ZNF407: variants seen among roughly 807,000 people sequenced by gnomAD.
ZNF407 encodes the protein zinc finger protein 407.
In ZNF407, 17 loss-of-function variants were observed where a neutral mutation model predicts 131.2. The observed-to-expected ratio is 0.13, with a 90% CI of 0.09 to 0.19. ZNF407 has a LOEUF of 0.19. ZNF407 is among the 10% of genes least tolerant of loss of function. The pLI, the probability that ZNF407 is intolerant of heterozygous loss-of-function variation, is 1.00. For missense variants in ZNF407, 2,681 were observed against 2,830.6 expected, an observed-to-expected ratio of 0.95 and a Z score of 1.20; for synonymous variants, 1,156 against 1,062.0, an observed-to-expected ratio of 1.09 and a Z score of -1.72.
At chr18:74,958,747 C>T (rs565403533) in intron 8 of ZNF407, among the ~76,000 whole-genome samples, 4 of 152,102 alleles carry the variant, frequency 2.6e-5, no homozygotes, top group Admixed American at 2.6e-4. Flanking sequence ...TCATAGCTAG[C>T]AAAAAGTGTT....
chr18:74,880,705 GGGAATT>G (rs34039163), intron 5 of ZNF407, among the ~76,000 whole-genome samples: 4,306 of 152,240 alleles, frequency 0.028, 192 homozygotes, highest in African/African-American at 0.095. Context: ...CCAGATGTAT[GGGAATT>G]GTAAAATATC....
At chr18:74,990,494 T>C (rs1356527135) in intron 8 of ZNF407, among the ~76,000 whole-genome samples, 1 of 152,250 alleles carries the variant, frequency 6.6e-6, no homozygotes, top group Admixed American at 6.5e-5. Flanking sequence ...TTTGAAACTG[T>C]ATATGACAAC....
intron 3 of ZNF407, among the ~76,000 whole-genome samples, chr18:74,728,199 C>G (rs571207833): frequency 2.6e-5 from 4 of 152,122 alleles, no homozygotes; most frequent in African/African-American, 9.7e-5. Flanking sequence ...TGAGAAACAT[C>G]AGAAGAAACT....
intron 3 of ZNF407, among the ~76,000 whole-genome samples, chr18:74,677,519 G>T (rs555798546): frequency 1.1e-4 from 17 of 152,182 alleles, no homozygotes; most frequent in African/African-American, 4.1e-4. Flanking sequence ...ATATTTGTCT[G>T]ATAGTATTTT....
At position 74,826,311 on chromosome 18, in the gene ZNF407, G is replaced by C. The variant is rs112848917; in HGVS notation, c.4877+44809G>C. ...GAGAGAGAGGAGAGAACACCATGTC[G>C]TTAGCCTGTTTCCTGCACACTTTCT... On this transcript the variant is annotated intron_variant, in intron 4 of 8. Coordinates refer to ENST00000299687, the MANE Select transcript of ZNF407 (RefSeq NM_017757.3). Among the ~76,000 whole-genome samples, 846 of 152,176 alleles carry C rather than the reference G, an allele frequency of 5.6e-3. 5 individuals carry two copies. Among genetic ancestry groups the C allele is most frequent in the African/African-American group, 0.019 (777 of 41,520 alleles).
chr18:74,901,326 A>G lies in ZNF407; in HGVS notation c.5249+11288A>G, dbSNP rs552303389. The stretch of plus-strand genomic sequence containing the variant: ...ATTTTAGGTTTTAGCTTGTTTTTCA[A>G]CCTTAAAAACAGTGATGTATTTCCC... On this transcript the variant is annotated intron_variant, in intron 7 of 8. Transcript: ENST00000299687. 2.0e-3 allele frequency among the ~76,000 whole-genome samples: 305 copies of G among 152,188 alleles called. 4 individuals carry two copies. The highest frequency in any genetic ancestry group is 1.5e-3 in the Non-Finnish European group (105 of 67,990).
At chr18:74,712,084 C>T (rs72969680) in intron 3 of ZNF407, among the ~76,000 whole-genome samples, 5 of 152,076 alleles carry the variant, frequency 3.3e-5, no homozygotes, top group African/African-American at 4.8e-5. Context: ...TTGGCCCTGG[C>T]GTGTGTCATA....
At chr18:74,724,809 A>G (rs922137237) in intron 3 of ZNF407, among the ~76,000 whole-genome samples, 14 of 152,102 alleles carry the variant, frequency 9.2e-5, no homozygotes, top group Non-Finnish European at 1.8e-4. Flanking sequence ...CTTTGCATAT[A>G]TTTTTGTGCT....
At chr18:74,828,663 T>C (rs1220751226) in intron 4 of ZNF407, among the ~76,000 whole-genome samples, 1 of 137,852 alleles carries the variant, frequency 7.3e-6, no homozygotes, top group Non-Finnish European at 1.7e-5. Flanking sequence ...TTCTACGCTG[T>C]TCCTGGTGTG....
At position 74,614,283 on chromosome 18, in the gene ZNF407, A is replaced by G. The variant is rs114375353; in HGVS notation, c.-54+16346A>G. Among the ~76,000 whole-genome samples, 430 of 152,330 alleles carry G rather than the reference A, an allele frequency of 2.8e-3. 2 individuals carry two copies. Among genetic ancestry groups the G allele is most frequent in the African/African-American group, 9.7e-3 (403 of 41,568 alleles). On this transcript the variant is annotated intron_variant, in intron 1 of 8. Coordinates refer to ENST00000299687, the MANE Select transcript of ZNF407 (RefSeq NM_017757.3). ...TTCAGGGTACAAAATCTGATTTTCA[A>G]TATGGGTGGTGTTCTACTGTATTTC...
At chr18:74,721,023 G>A (rs1161203265) in intron 3 of ZNF407, among the ~76,000 whole-genome samples, 1 of 145,646 alleles carries the variant, frequency 6.9e-6, no homozygotes, top group African/African-American at 2.6e-5. Flanking sequence ...TTTTCTATTT[G>A]GGTGAAGAAT....
intron 8 of ZNF407, among the ~76,000 whole-genome samples, chr18:75,028,220 T>G (rs1244254273): frequency 6.6e-6 from 1 of 152,250 alleles, no homozygotes; most frequent in Non-Finnish European, 1.5e-5. Context: ...GCTGGGCGGC[T>G]TAAACAACAG....
chr18:74,991,752 A>T (rs1440686449), intron 8 of ZNF407, among the ~76,000 whole-genome samples: 1 of 152,136 alleles, frequency 6.6e-6, no homozygotes, highest in Non-Finnish European at 1.5e-5. Flanking sequence ...TACATCACTT[A>T]ATCTAGTTCA....
chr18:74,684,212 GAAA>G (rs1967046631), intron 3 of ZNF407, among the ~76,000 whole-genome samples: 1 of 151,880 alleles, frequency 6.6e-6, no homozygotes, highest in African/African-American at 2.4e-5. Flanking sequence ...TTTTCAAAAG[GAAA>G]AAGTAAGGAT....
intron 8 of ZNF407, among the ~76,000 whole-genome samples, chr18:74,999,375 A>G (rs1472919635): frequency 7.3e-6 from 1 of 136,332 alleles, no homozygotes; most frequent in Non-Finnish European, 1.6e-5. Context: ...AAAAAAAAAA[A>G]CAAAGGTAAA....
intron 8 of ZNF407, among the ~76,000 whole-genome samples, chr18:74,988,031 TACTGGA>T (rs1972673539): frequency 6.6e-6 from 1 of 152,218 alleles, no homozygotes; most frequent in Non-Finnish European, 1.5e-5. Flanking sequence ...AAGACATGCA[TACTGGA>T]TTCCAATACC....
At chr18:74,760,605 G>T (rs761807656) in intron 3 of ZNF407, among the ~76,000 whole-genome samples, 9 of 152,074 alleles carry the variant, frequency 5.9e-5, no homozygotes, top group Non-Finnish European at 1.2e-4. Flanking sequence ...CCTGAGGATG[G>T]GGGTTATTCA....
chr18:75,003,389 G>A (rs915685092), intron 8 of ZNF407, among the ~76,000 whole-genome samples: 2 of 152,152 alleles, frequency 1.3e-5, no homozygotes, highest in South Asian at 2.1e-4. Context: ...GATGGGAATC[G>A]TGTACATCCC....
intron 8 of ZNF407, among the ~76,000 whole-genome samples, chr18:74,931,479 A>G (rs928582499): frequency 9.2e-5 from 14 of 152,210 alleles, no homozygotes; most frequent in African/African-American, 2.7e-4. Flanking sequence ...TACTGTTAGG[A>G]AAATGCAAAT....
Sources: gnomAD v4.1 joint callset for allele counts (sites outside exome capture counted in the v4.1 genomes callset) on GRCh38, gnomAD v4.1.1 for gene constraint, MANE v1.5 for transcripts, NCBI Gene and HGNC (gene_info 2026-07-23, HGNC 2026-07-21) for gene names.